The following RGS6 variants were observed in gnomAD, a reference collection of about 807,000 sequenced individuals.
RGS6 encodes the protein regulator of G protein signaling 6.
In RGS6, 30 loss-of-function variants were observed where a neutral mutation model predicts 78.5. The observed-to-expected ratio is 0.38, with a 90% CI of 0.29 to 0.52. RGS6 has a LOEUF of 0.52. Ranked by LOEUF, RGS6 falls within the 20% of genes least tolerant of loss-of-function variation. The pLI is 0.85. For missense variants in RGS6, 495 were observed against 609.7 expected, an observed-to-expected ratio of 0.81 and a Z score of 1.98; for synonymous variants, 206 against 206.0, an observed-to-expected ratio of 1.00 and a Z score of 0.00.
In RGS6 at chr14:72,220,929, G is replaced by A. The variant is rs558333876; in HGVS notation, c.85-131166G>A. On this transcript the variant is annotated intron_variant, in intron 2 of 17. Coordinates refer to ENST00000553525, the MANE Select transcript of RGS6 (RefSeq NM_001204424.2). ...AGAATTAGAGTAGAGACATTTGGGAGGATTCAGATGACTCACACTCCCAAC... is the reference window on the plus strand; with the variant it reads ...AGAATTAGAGTAGAGACATTTGGGAAGATTCAGATGACTCACACTCCCAAC... Among the ~76,000 whole-genome samples the A allele has an allele frequency of 1.1e-4, 16 of 152,218 alleles. 1 individual carries two copies. The South Asian group carries it at 3.3e-3, about 32-fold the overall frequency.
intron 2 of RGS6, among the ~76,000 whole-genome samples, chr14:72,087,173 C>A (rs2095076707): frequency 6.6e-6 from 1 of 152,068 alleles, no homozygotes; most frequent in African/African-American, 2.4e-5. Flanking sequence ...CTCTGTTGCT[C>A]AAGCTGGAGT....
intron 3 of RGS6, among the ~76,000 whole-genome samples, chr14:72,353,203 A>G (rs1416440977): frequency 6.6e-6 from 1 of 152,244 alleles, no homozygotes; most frequent in Non-Finnish European, 1.5e-5. Context: ...GTATTCACCC[A>G]AGAGCAATGA....
intron 2 of RGS6, among the ~76,000 whole-genome samples, chr14:72,090,112 CAA>C (rs760072084): frequency 2.3e-5 from 1 of 44,422 alleles, no homozygotes; most frequent in African/African-American, 5.8e-5. Context: ...GACTCCATCT[CAA>C]AAAAAAAAAA....
At chr14:72,174,171 G>A (rs535984551) in intron 2 of RGS6, among the ~76,000 whole-genome samples, 3 of 152,172 alleles carry the variant, frequency 2.0e-5, no homozygotes, top group Non-Finnish European at 4.4e-5. Flanking sequence ...TGCAAGGCAC[G>A]ATCTCAGCTC....
chr14:72,249,663 T>C lies in RGS6; in HGVS notation c.85-102432T>C, dbSNP rs148685438. 3.5e-3 allele frequency among the ~76,000 whole-genome samples: 526 copies of C among 152,306 alleles called. 3 individuals are homozygous for C. Among genetic ancestry groups the C allele is most frequent in the African/African-American group, 0.011 (476 of 41,570 alleles). On this transcript the variant is annotated intron_variant, in intron 2 of 17. Transcript: ENST00000553525. ...AATGCAATGAAGGATCAATTTGCAA[T>C]TGTATTTTTTATGGCCTTTTGGATT...
intron 3 of RGS6, among the ~76,000 whole-genome samples, chr14:72,404,871 C>A (rs939309502): frequency 6.6e-6 from 1 of 152,028 alleles, no homozygotes; most frequent in Admixed American, 6.6e-5. Flanking sequence ...TGTAAGAGAA[C>A]GATGACAAAT....
the RGS6 span, among the ~76,000 whole-genome samples, chr14:72,572,522 T>C: frequency 2.6e-5 from 4 of 152,206 alleles, no homozygotes; most frequent in Admixed American, 2.0e-4. Context: ...GAAAACATTA[T>C]GCTAAGTGAA....
intron 2 of RGS6, among the ~76,000 whole-genome samples, chr14:72,114,882 A>C (rs1390864925): frequency 6.6e-6 from 1 of 152,234 alleles, no homozygotes; most frequent in Non-Finnish European, 1.5e-5. Context: ...TAGAACAAAC[A>C]AGTATGATAA....
chr14:72,505,766 C>T (rs925638352), intron 13 of RGS6, among the ~76,000 whole-genome samples: 10 of 152,170 alleles, frequency 6.6e-5, no homozygotes, highest in Non-Finnish European at 1.3e-4. Context: ...ACAATGTCAG[C>T]CTCCCTGGCT....
chr14:72,122,309 C>T (rs1355216258), intron 2 of RGS6, among the ~76,000 whole-genome samples: 3 of 152,086 alleles, frequency 2.0e-5, no homozygotes, highest in Admixed American at 6.5e-5. Flanking sequence ...AATGTTGCCT[C>T]GACTCAAGCT....
intron 2 of RGS6, among the ~76,000 whole-genome samples, chr14:72,351,452 C>T (rs1462965720): frequency 6.6e-6 from 1 of 152,036 alleles, no homozygotes; most frequent in Non-Finnish European, 1.5e-5. Flanking sequence ...ATGGTCTTAC[C>T]AAAAGGAGAA....
At chr14:72,278,632 G>T (rs2061078794) in intron 2 of RGS6, among the ~76,000 whole-genome samples, 1 of 152,158 alleles carries the variant, frequency 6.6e-6, no homozygotes, top group Non-Finnish European at 1.5e-5. Flanking sequence ...TATATACTTA[G>T]AAATAAATAC....
At chr14:71,899,828 G>A in the RGS6 span, among the ~76,000 whole-genome samples, 3 of 152,178 alleles carry the variant, frequency 2.0e-5, no homozygotes, top group East Asian at 3.9e-4. Flanking sequence ...CTGCTAATCA[G>A]CCTATCTAGT....
chr14:71,942,086 C>G (rs191273527), intron 1 of RGS6, among the ~76,000 whole-genome samples: 1 of 151,978 alleles, frequency 6.6e-6, no homozygotes, highest in Non-Finnish European at 1.5e-5. Context: ...GTAGTCAAGA[C>G]AAAAGAATAA....
intron 1 of RGS6, among the ~76,000 whole-genome samples, chr14:71,936,637 C>T (rs1346748978): frequency 6.6e-6 from 1 of 152,240 alleles, no homozygotes; most frequent in East Asian, 1.9e-4. Context: ...CTTTGTACAA[C>T]CAGAAATGCA....
chr14:71,951,520 T>C (rs1416343687), intron 1 of RGS6, among the ~76,000 whole-genome samples: 3 of 152,150 alleles, frequency 2.0e-5, no homozygotes, highest in African/African-American at 7.2e-5. Context: ...CGTTTACCTA[T>C]GTAACAAACC....
rs145220472 is a variant in RGS6 at position 72,472,034 on chromosome 14, A to C, written c.537-838A>C. The stretch of plus-strand genomic sequence containing the variant: ...TAAGTACACAGTAATTATCACAAAA[A>C]TCGCAGGGTGATTATGGGTTTATTT... On this transcript the variant is annotated intron_variant, in intron 8 of 17. Coordinates refer to ENST00000553525, the MANE Select transcript of RGS6 (RefSeq NM_001204424.2). Among the ~76,000 whole-genome samples, 533 of 152,272 alleles carry C rather than the reference A, an allele frequency of 3.5e-3. 7 individuals carry two copies. The highest frequency in any genetic ancestry group is 0.012 in the African/African-American group (516 of 41,546).
At chr14:71,946,831 T>G (rs2091595741) in intron 1 of RGS6, among the ~76,000 whole-genome samples, 1 of 152,210 alleles carries the variant, frequency 6.6e-6, no homozygotes, top group African/African-American at 2.4e-5. Context: ...TAAAAACCTT[T>G]CTGGCAGGAG....
intron 2 of RGS6, among the ~76,000 whole-genome samples, chr14:72,287,477 G>A (rs563554825): frequency 8.6e-5 from 13 of 151,838 alleles, no homozygotes; most frequent in Non-Finnish European, 1.8e-4. Flanking sequence ...ATTTTTTTGA[G>A]ACAGAGTCTC....
Sources: gnomAD v4.1 joint callset for allele counts (sites outside exome capture counted in the v4.1 genomes callset) on GRCh38, gnomAD v4.1.1 for gene constraint, MANE v1.5 for transcripts, NCBI Gene and HGNC (gene_info 2026-07-23, HGNC 2026-07-21) for gene names.